The following ZNF814 variants were observed in gnomAD, a reference collection of about 807,000 sequenced individuals.
The protein encoded by ZNF814 is zinc finger protein 814.
A neutral mutation model predicts 7.5 loss-of-function variants in ZNF814; 5 were observed. That is an observed-to-expected ratio of 0.67 (90% confidence interval 0.35 to 1.40). The LOEUF (loss-of-function observed/expected upper bound fraction) is 1.40. Ranked by LOEUF, ZNF814 falls within the 40% of genes most tolerant of loss-of-function variation. The pLI is 0.04. For missense variants in ZNF814, 962 were observed against 1,018.0 expected (o/e 0.94, Z 0.75); for synonymous variants, 315 against 340.7 (o/e 0.92, Z 0.83).
At chr19:57,886,516 T>C (rs2071694933) in intron 1 of ZNF814, among the ~76,000 whole-genome samples, 1 of 152,042 alleles carries the variant, frequency 6.6e-6, no homozygotes, top group East Asian at 1.9e-4. Flanking sequence ...AACTCCATCT[T>C]AGAAAAAGAC....
chr19:57,885,466 T>C (rs1194315948), intron 1 of ZNF814, among the ~76,000 whole-genome samples: 21 of 151,734 alleles, frequency 1.4e-4, no homozygotes, highest in Non-Finnish European at 2.7e-4. Flanking sequence ...CCATCTCTAC[T>C]ATAAACTACA....
rs1420799401 is a variant in ZNF814 at position 57,871,070 on chromosome 19, AAATTAT to A, written c.*1746_*1751del. ...TGCCTATAAATAAAGTAATTCTATA[AAATTAT>A]AATTTCACCTGATAGCATTACAATC... On this transcript the variant is annotated 3_prime_UTR_variant, in exon 3 of 3. Coordinates refer to ENST00000435989, the MANE Select transcript of ZNF814 (RefSeq NM_001144989.2). 1 of 152,226 alleles carries A rather than the reference AAATTAT, an allele frequency of 6.6e-6. No individual in the cohort carries two copies. The highest frequency in any genetic ancestry group is 1.9e-4 in the East Asian group (1 of 5,202). The allele number at this position is 152,226 out of a possible 1,614,324, so 9.4% of individuals were successfully genotyped here. A position where few individuals can be genotyped will look rare whatever the true frequency, so the allele number is the denominator to read the frequency against.
At chr19:57,875,950 T>C (rs2071603268) in intron 2 of ZNF814, among the ~76,000 whole-genome samples, 1 of 10,702 alleles carries the variant, frequency 9.3e-5, no homozygotes, top group Non-Finnish European at 2.0e-4. Flanking sequence ...CCGCTTTTTT[T>C]TTTTTTTTTT....
At position 57,871,636 on chromosome 19, in the gene ZNF814, C is replaced by T. The variant is rs1193624038; in HGVS notation, c.*1186G>A. 1 of 151,832 alleles carries T rather than the reference C, an allele frequency of 6.6e-6. No homozygotes were observed. The highest frequency in any genetic ancestry group is 1.5e-5 in the Non-Finnish European group (1 of 67,968). 9.4% of individuals were successfully genotyped at this position (151,832 alleles called of 1,614,324 possible). On this transcript the variant is annotated 3_prime_UTR_variant, in exon 3 of 3. Coordinates refer to ENST00000435989, the MANE Select transcript of ZNF814 (RefSeq NM_001144989.2). ...AAAATTTGTCAAGATTGATGTGATA[C>T]CCACAAGATCTCTGAAAGACATAGT...
At chr19:57,877,179 T>C in intron 1 of ZNF814, 137 bp from the exon 2 acceptor site, 2 of 1,332,604 alleles carry the variant, frequency 1.5e-6, no homozygotes, top group Admixed American at 2.2e-5. Context: ...CCACTGGTCA[T>C]GGGGTATAGC....
the ZNF814 span, among the ~76,000 whole-genome samples, chr19:57,901,104 G>A: frequency 1.3e-5 from 2 of 151,340 alleles, no homozygotes; most frequent in South Asian, 4.2e-4. Flanking sequence ...CCAAAGTGCT[G>A]GGATTACAGG....
At chr19:57,896,173 C>CA in the ZNF814 span, among the ~76,000 whole-genome samples, 13,214 of 68,430 alleles carry the variant, frequency 0.19, 997 homozygotes, top group African/African-American at 0.26. This position sits in a 1 kb window ranked among gnomAD's most constrained non-coding sequence, Gnocchi z 4.2. Context: ...GACTCCATCT[C>CA]AAAAAAAAAA....
the ZNF814 span, among the ~76,000 whole-genome samples, chr19:57,902,691 C>T: frequency 4.0e-5 from 6 of 150,644 alleles, no homozygotes; most frequent in African/African-American, 7.3e-5. Context: ...ACCGGAGTCT[C>T]GCTCTGTCCC....
In ZNF814 at chr19:57,872,840, G is replaced by C. The variant is rs1315150297; in HGVS notation, c.2550C>G (p.His850Gln). The change falls in exon 3 of 3, where the codon CAC becomes CAG. Residue 850 changes from histidine (H) to glutamine (Q), a missense_variant. Physicochemically the swap from His to Gln is conservative, Grantham distance 24. Coordinates refer to ENST00000435989, the MANE Select transcript of ZNF814 (RefSeq NM_001144989.2). ...KSHLLVHQSSHWRKAI is the reference protein window; with the variant it reads ...KSHLLVHQSSQWRKAI ...CTCACACTCATATGGCTTTTCTCCA[G>C]TGTGAACTCTGGTGTACAAGGAGGT... 5 of 1,612,120 alleles carry C rather than the reference G, an allele frequency of 3.1e-6. No homozygotes were observed. Among genetic ancestry groups the C allele is most frequent in the Non-Finnish European group, 4.2e-6 (5 of 1,179,072 alleles).
In ZNF814 at chr19:57,869,396, C is replaced by T. The variant is rs537690952; in HGVS notation, c.*3426G>A. 1.3e-5 allele frequency: 2 copies of T among 149,764 alleles called. No homozygotes were observed. Among genetic ancestry groups the T allele is most frequent in the African/African-American group, 4.9e-5 (2 of 40,778 alleles). The allele number at this position is 149,764 out of a possible 1,614,324, so 9.3% of individuals were successfully genotyped here. On this transcript the variant is annotated 3_prime_UTR_variant, in exon 3 of 3. Transcript: ENST00000435989. Reference sequence around the variant, plus strand: ...CACCCAGGGATTATAAGAGGAAACACTTTATTACATCACTCATCTAACATT... The same window carrying T: ...CACCCAGGGATTATAAGAGGAAACATTTTATTACATCACTCATCTAACATT...
the ZNF814 span, among the ~76,000 whole-genome samples, chr19:57,901,013 A>AT: frequency 7.9e-5 from 12 of 151,044 alleles, no homozygotes; most frequent in South Asian, 2.1e-4. Context: ...CGCCCGGCTA[A>AT]TTTTTTTTGT....
upstream of ZNF814, among the ~76,000 whole-genome samples, chr19:57,889,520 G>A (rs1455832904): frequency 1.3e-5 from 2 of 152,032 alleles, no homozygotes; most frequent in Non-Finnish European, 2.9e-5. Flanking sequence ...AGCCGAGATC[G>A]TACCACTGCA....
chr19:57,896,976 G>T, the ZNF814 span, among the ~76,000 whole-genome samples: 1 of 152,068 alleles, frequency 6.6e-6, no homozygotes, highest in African/African-American at 2.4e-5. This position sits in a 1 kb window ranked among gnomAD's most constrained non-coding sequence, Gnocchi z 4.2. Context: ...CAGTAATGGA[G>T]AATGTTGCCA....
At position 57,871,658 on chromosome 19, in the gene ZNF814, T is replaced by A. The variant is rs1484334795; in HGVS notation, c.*1164A>T. 1.3e-5 allele frequency: 2 copies of A among 152,008 alleles called. No individual in the cohort carries two copies. Among genetic ancestry groups the A allele is most frequent in the African/African-American group, 4.8e-5 (2 of 41,376 alleles). 9.4% of individuals were successfully genotyped at this position (152,008 alleles called of 1,614,324 possible). A position where few individuals can be genotyped will look rare whatever the true frequency, so the allele number is the denominator to read the frequency against. On this transcript the variant is annotated 3_prime_UTR_variant, in exon 3 of 3. Coordinates refer to ENST00000435989, the MANE Select transcript of ZNF814 (RefSeq NM_001144989.2). ...ATACCCACAAGATCTCTGAAAGACATAGTCCGTCTTTTCAAGTCAACGTAA... is the reference window on the plus strand; with the variant it reads ...ATACCCACAAGATCTCTGAAAGACAAAGTCCGTCTTTTCAAGTCAACGTAA...
At chr19:57,894,462 C>A in the ZNF814 span, among the ~76,000 whole-genome samples, 1 of 151,394 alleles carries the variant, frequency 6.6e-6, no homozygotes, top group African/African-American at 2.4e-5. Flanking sequence ...GTAAATGAAA[C>A]AAAACAGCAA....
the ZNF814 span, among the ~76,000 whole-genome samples, chr19:57,901,039 G>A: frequency 9.9e-3 from 1,464 of 148,268 alleles, 20 homozygotes; most frequent in African/African-American, 0.033. Flanking sequence ...TAGTAGAGAC[G>A]GGGTTTCACC....
Position 57,872,508 on chromosome 19 carries a change from A to T in ZNF814, c.*314T>A. ...AAATGTATTTTATTTGTCTAGTGTGAACTCTCTGATATTCAAGGAGAAAAG... is the reference window on the plus strand; with the variant it reads ...AAATGTATTTTATTTGTCTAGTGTGTACTCTCTGATATTCAAGGAGAAAAG... On this transcript the variant is annotated 3_prime_UTR_variant, in exon 3 of 3. Transcript: ENST00000435989. The T allele has an allele frequency of 1.7e-6, 1 of 585,690 alleles. No homozygotes were observed. The highest frequency in any genetic ancestry group is 3.0e-6 in the Non-Finnish European group (1 of 337,270). The allele number at this position is 585,690 out of a possible 1,614,324, so 36.3% of individuals were successfully genotyped here.
At chr19:57,900,864 T>TTTTTTTTTC in the ZNF814 span, among the ~76,000 whole-genome samples, 1 of 104,778 alleles carries the variant, frequency 9.5e-6, no homozygotes, top group African/African-American at 3.5e-5. Flanking sequence ...TTTTTTTTTT[T>TTTTTTTTTC]TGAGACGGAG....
At chr19:57,893,530 A>C (rs1404674728), upstream of ZNF814, among the ~76,000 whole-genome samples, 1 of 151,106 alleles carries the variant, frequency 6.6e-6, no homozygotes, top group Non-Finnish European at 1.5e-5. Context: ...TAATCCCAGC[A>C]CTTTGGGAGG....
Sources: allele counts gnomAD v4.1 joint callset (sites outside exome capture counted in the v4.1 genomes callset), GRCh38; gene constraint gnomAD v4.1.1; non-coding constraint Gnocchi (gnomAD v3.1); transcripts MANE v1.5; gene names NCBI Gene and HGNC (gene_info 2026-07-23, HGNC 2026-07-21).